TENM3: variants seen among roughly 807,000 people sequenced by gnomAD.
The protein encoded by TENM3 is teneurin-3.
Under a neutral mutation model 255.1 loss-of-function variants are expected in TENM3, and 63 were observed. The observed-to-expected ratio is 0.25, with a 90% CI of 0.20 to 0.30. TENM3 has a LOEUF of 0.30. Among genes scored for constraint, TENM3 ranks in the 10% least tolerant of loss-of-function variants. The pLI is 1.00. For missense variants in TENM3, 2,929 were observed against 3,461.1 expected, an observed-to-expected ratio of 0.85 and a Z score of 3.86; for synonymous variants, 1,306 against 1,322.3, an observed-to-expected ratio of 0.99 and a Z score of 0.27.
At chr4:182,238,752 A>G (rs1757048457), upstream of TENM3, among the ~76,000 whole-genome samples, 1 of 152,176 alleles carries the variant, frequency 6.6e-6, no homozygotes, top group Non-Finnish European at 1.5e-5. Flanking sequence ...AACTATTGTA[A>G]TTCTAGATAA....
chr4:182,100,874 T>TATATACTCATATATATAC, the TENM3 span, among the ~76,000 whole-genome samples: 18 of 39,572 alleles, frequency 4.5e-4, 7 homozygotes, highest in African/African-American at 2.4e-3. Context: ...TATATATATA[T>TATATACTCATATATATAC]AGAGAGAGAG....
chr4:182,300,194 G>A (rs1054322884), intron 1 of TENM3, among the ~76,000 whole-genome samples: 3 of 152,038 alleles, frequency 2.0e-5, no homozygotes, highest in Non-Finnish European at 2.9e-5. Context: ...GATTACAGGC[G>A]TGAGCCACCA....
the TENM3 span, among the ~76,000 whole-genome samples, chr4:181,827,654 C>T: frequency 2.6e-5 from 4 of 152,172 alleles, no homozygotes; most frequent in Non-Finnish European, 5.9e-5. Context: ...ATTGGTTCTT[C>T]GGTGAGACTG....
chr4:182,469,905 T>G (rs546979851), intron 3 of TENM3, among the ~76,000 whole-genome samples: 1 of 152,324 alleles, frequency 6.6e-6, no homozygotes, highest in South Asian at 2.1e-4. Context: ...TAATGATATT[T>G]TTTTCTGTTG....
chr4:181,935,544 T>C, the TENM3 span, among the ~76,000 whole-genome samples: 2 of 152,204 alleles, frequency 1.3e-5, no homozygotes, highest in Non-Finnish European at 1.5e-5. Flanking sequence ...CTACCGGGCA[T>C]CACTATGGCA....
the TENM3 span, among the ~76,000 whole-genome samples, chr4:181,710,824 C>T: frequency 6.8e-6 from 1 of 147,990 alleles, no homozygotes; most frequent in African/African-American, 2.5e-5. Flanking sequence ...GCTGGGATTA[C>T]AGGCATGAGC....
the TENM3 span, among the ~76,000 whole-genome samples, chr4:182,022,321 T>C: frequency 1.3e-5 from 2 of 152,190 alleles, no homozygotes; most frequent in Non-Finnish European, 2.9e-5. Context: ...TACTGCATGT[T>C]CTCACTTATA....
At chr4:182,137,220 T>C in the TENM3 span, among the ~76,000 whole-genome samples, 565 of 152,268 alleles carry the variant, frequency 3.7e-3, 1 homozygote, top group African/African-American at 0.013. Flanking sequence ...GACTTTTAAA[T>C]GGACCCCTTC....
the TENM3 span, among the ~76,000 whole-genome samples, chr4:181,584,027 T>C: frequency 1.3e-5 from 2 of 152,198 alleles, no homozygotes; most frequent in Non-Finnish European, 2.9e-5. Flanking sequence ...TCTAAGCTTC[T>C]TGCAGGCAGT....
At chr4:181,671,576 G>T in the TENM3 span, among the ~76,000 whole-genome samples, 6 of 152,130 alleles carry the variant, frequency 3.9e-5, no homozygotes, top group Non-Finnish European at 7.4e-5. Context: ...TGAAATAAGA[G>T]AAACCATGTA....
At chr4:182,058,746 G>A in the TENM3 span, among the ~76,000 whole-genome samples, 1 of 152,020 alleles carries the variant, frequency 6.6e-6, no homozygotes, top group Non-Finnish European at 1.5e-5. Flanking sequence ...CATTCCCTAA[G>A]AAATTATTTA....
chr4:182,218,963 G>A (rs1001095013), intron 1 of TENM3, among the ~76,000 whole-genome samples: 3 of 152,196 alleles, frequency 2.0e-5, no homozygotes, highest in Non-Finnish European at 2.9e-5. Context: ...AGAGGTTCAC[G>A]CCTGTAATCC....
At chr4:181,539,090 C>T in the TENM3 span, among the ~76,000 whole-genome samples, 2 of 152,290 alleles carry the variant, frequency 1.3e-5, no homozygotes, top group South Asian at 2.1e-4. Context: ...ATCCAGTAAT[C>T]CTGGCAGACT....
At chr4:181,876,522 T>C in the TENM3 span, among the ~76,000 whole-genome samples, 1 of 152,198 alleles carries the variant, frequency 6.6e-6, no homozygotes, top group Admixed American at 6.5e-5. Context: ...TAAGTTTCTA[T>C]ACCTAGTATC....
intron 1 of TENM3, among the ~76,000 whole-genome samples, chr4:182,322,861 G>C (rs1763144646): frequency 6.6e-6 from 1 of 152,106 alleles, no homozygotes. Context: ...CCAAGGAGAA[G>C]GCCTGAGGCC....
intron 24 of TENM3, among the ~76,000 whole-genome samples, chr4:182,786,814 T>C (rs1765698923): frequency 6.6e-6 from 1 of 152,146 alleles, no homozygotes; most frequent in Non-Finnish European, 1.5e-5. Flanking sequence ...CAGTCTTCTG[T>C]AGTTCCTCCA....
At chr4:181,714,960 T>C in the TENM3 span, among the ~76,000 whole-genome samples, 2 of 152,236 alleles carry the variant, frequency 1.3e-5, no homozygotes, top group Non-Finnish European at 1.5e-5. Flanking sequence ...TCAAGATTAA[T>C]ACCAACTAAT....
chr4:182,631,938 G>T (rs1357988026), intron 5 of TENM3, among the ~76,000 whole-genome samples: 1 of 152,138 alleles, frequency 6.6e-6, no homozygotes, highest in African/African-American at 2.4e-5. Context: ...TGAAAGAGAG[G>T]CAAGGAGGGA....
the TENM3 span, among the ~76,000 whole-genome samples, chr4:182,089,593 T>A: frequency 6.6e-6 from 1 of 152,180 alleles, no homozygotes; most frequent in Non-Finnish European, 1.5e-5. Flanking sequence ...ACCATTGGAC[T>A]CTCTCTCATG....
Sources: gnomAD v4.1 joint callset for allele counts (sites outside exome capture counted in the v4.1 genomes callset) on GRCh38, gnomAD v4.1.1 for gene constraint, MANE v1.5 for transcripts, NCBI Gene and HGNC (gene_info 2026-07-23, HGNC 2026-07-21) for gene names.